Variants in FREM3 observed in about 807,000 individuals in gnomAD.
FREM3 encodes FRAS1 related extracellular matrix 3, also known as FRAS1-related extracellular matrix protein 3.
In FREM3, 105 loss-of-function variants were observed where a neutral mutation model predicts 129.1. The observed-to-expected ratio is 0.81, with a 90% CI of 0.69 to 0.96. The LOEUF (loss-of-function observed/expected upper bound fraction) is 0.96, where lower values mean the gene tolerates loss of function less well. FREM3 is among the 40% of genes least tolerant of loss of function. FREM3 has a pLI of 0.00. For synonymous variants in FREM3, 1,014 were observed against 1,044.9 expected, an observed-to-expected ratio of 0.97 and a Z score of 0.57; for missense variants, 2,593 against 2,666.3, an observed-to-expected ratio of 0.97 and a Z score of 0.61.
At chr4:143,639,560 A>G (rs1292141102) in intron 2 of FREM3, among the ~76,000 whole-genome samples, 6 of 152,166 alleles carry the variant, frequency 3.9e-5, no homozygotes. Context: ...CAGAAAACAG[A>G]TTAACTTATT....
chr4:143,653,160 A>G (rs1444765107), intron 2 of FREM3, among the ~76,000 whole-genome samples: 2 of 152,196 alleles, frequency 1.3e-5, no homozygotes, highest in East Asian at 3.9e-4. Flanking sequence ...TCAGCAGCTG[A>G]AAAAACACAT....
chr4:143,600,241 C>T (rs1278316017), intron 6 of FREM3, among the ~76,000 whole-genome samples: 1 of 152,100 alleles, frequency 6.6e-6, no homozygotes, highest in African/African-American at 2.4e-5. Flanking sequence ...GAATGGAAAA[C>T]TAAACATCAT....
intron 5 of FREM3, among the ~76,000 whole-genome samples, chr4:143,620,825 G>A (rs949417224): frequency 1.3e-5 from 2 of 152,158 alleles, no homozygotes; most frequent in Non-Finnish European, 2.9e-5. Flanking sequence ...TTTGAATAAA[G>A]CGTTATCCCT....
intron 2 of FREM3, among the ~76,000 whole-genome samples, chr4:143,638,335 G>T (rs1460409427): frequency 6.6e-6 from 1 of 152,114 alleles, no homozygotes; most frequent in Non-Finnish European, 1.5e-5. Flanking sequence ...TACACTGCGT[G>T]CCCACATGGG....
chr4:143,645,181 G>A (rs1328228857), intron 2 of FREM3: 2 of 152,096 alleles, frequency 1.3e-5, no homozygotes, highest in Non-Finnish European at 2.9e-5. Context: ...AAAGCCTAGG[G>A]GTTTTGCTAG....
chr4:143,583,629 A>G (rs889888886), intron 7 of FREM3, among the ~76,000 whole-genome samples: 2 of 152,154 alleles, frequency 1.3e-5, no homozygotes. Flanking sequence ...TCTACAGGCC[A>G]GAAGAGATTA....
At chr4:143,686,403 C>T (rs1020283444) in intron 2 of FREM3, among the ~76,000 whole-genome samples, 6 of 152,082 alleles carry the variant, frequency 3.9e-5, no homozygotes, top group African/African-American at 1.4e-4. Flanking sequence ...CCACTGATGG[C>T]AACAGACAGG....
chr4:143,672,742 ATTTGGTCT>A, intron 2 of FREM3, among the ~76,000 whole-genome samples: 1 of 152,250 alleles, frequency 6.6e-6, no homozygotes. Context: ...TCAGACATAA[ATTTGGTCT>A]TTTCACATAG....
chr4:143,650,634 A>G (rs1739494037), intron 2 of FREM3, among the ~76,000 whole-genome samples: 1 of 152,202 alleles, frequency 6.6e-6, no homozygotes, highest in Non-Finnish European at 1.5e-5. Context: ...GGGACTGTAG[A>G]CACATGCCAA....
chr4:143,642,275 A>G (rs1739333877), intron 2 of FREM3, among the ~76,000 whole-genome samples: 2 of 152,312 alleles, frequency 1.3e-5, no homozygotes, highest in South Asian at 2.1e-4. Context: ...CAAAGTACCA[A>G]TGACATTCTT....
intron 2 of FREM3, among the ~76,000 whole-genome samples, chr4:143,678,957 A>T (rs938243499): frequency 1.3e-5 from 2 of 152,186 alleles, no homozygotes; most frequent in Non-Finnish European, 2.9e-5. Context: ...TATAAAAAGG[A>T]TGCACATATA....
rs181508929 is a variant in FREM3 at position 143,683,307 on chromosome 4, G to A, written c.5275+9806C>T. On this transcript the variant is annotated intron_variant, in intron 2 of 7. Transcript: ENST00000329798. ...GACTCACAGACCCTCTGAAGGAAGC[G>A]GACTGTTCCTGCAGGACCTGGGAGA... Among the ~76,000 whole-genome samples, 376 of 152,224 alleles carry A rather than the reference G, an allele frequency of 2.5e-3. 2 individuals carry two copies. Among genetic ancestry groups the A allele is most frequent in the African/African-American group, 7.8e-3 (325 of 41,530 alleles).
chr4:143,628,628 A>G (rs1404141699), intron 2 of FREM3, among the ~76,000 whole-genome samples: 2 of 152,140 alleles, frequency 1.3e-5, no homozygotes, highest in Admixed American at 1.3e-4. Context: ...CCTTAATGAG[A>G]TCAAGCATAT....
chr4:143,677,257 A>T (rs1309498690), intron 2 of FREM3, among the ~76,000 whole-genome samples: 1 of 152,238 alleles, frequency 6.6e-6, no homozygotes, highest in Non-Finnish European at 1.5e-5. Flanking sequence ...CAACTATCTG[A>T]TCTTTGACAA....
intron 2 of FREM3, among the ~76,000 whole-genome samples, chr4:143,657,049 GT>G (rs1160745073): frequency 2.0e-5 from 3 of 152,100 alleles, no homozygotes; most frequent in Non-Finnish European, 4.4e-5. Context: ...CCAAAGCATT[GT>G]TTATGCATTC....
chr4:143,647,861 G>T (rs184055242), intron 2 of FREM3, among the ~76,000 whole-genome samples: 3 of 152,166 alleles, frequency 2.0e-5, no homozygotes, highest in Admixed American at 2.0e-4. Flanking sequence ...CCCCACTGGG[G>T]CACTGCCTGA....
intron 7 of FREM3, among the ~76,000 whole-genome samples, chr4:143,581,550 T>C (rs1421372316): frequency 6.6e-6 from 1 of 151,612 alleles, no homozygotes; most frequent in Non-Finnish European, 1.5e-5. Context: ...GGGCTGGAGC[T>C]CCCAGAGGCA....
At chr4:143,675,483 A>G (rs1284662063) in intron 2 of FREM3, among the ~76,000 whole-genome samples, 2 of 152,204 alleles carry the variant, frequency 1.3e-5, no homozygotes, top group Non-Finnish European at 2.9e-5. Flanking sequence ...TAAAAGAACT[A>G]GGGAAGCAAG....
intron 2 of FREM3, among the ~76,000 whole-genome samples, chr4:143,688,377 AC>A (rs1283512074): frequency 1.3e-5 from 2 of 152,224 alleles, no homozygotes; most frequent in Admixed American, 1.3e-4. Context: ...ATCATAGACA[AC>A]ACAAACAAAT....
Sources: allele counts gnomAD v4.1 joint callset (sites outside exome capture counted in the v4.1 genomes callset), GRCh38; gene constraint gnomAD v4.1.1; transcripts MANE v1.5; gene names NCBI Gene and HGNC (gene_info 2026-07-23, HGNC 2026-07-21).